Variants in SYCE1 observed in about 807,000 individuals in gnomAD.
SYCE1 encodes cancer/testis antigen 76.
A neutral mutation model predicts 55.1 loss-of-function variants in SYCE1; 37 were observed. That is an observed-to-expected ratio of 0.67 (90% confidence interval 0.52 to 0.88). SYCE1 has a LOEUF of 0.88. SYCE1 is among the 40% of genes least tolerant of loss of function. The pLI is 0.00. For missense variants in SYCE1, 399 were observed against 416.4 expected, an observed-to-expected ratio of 0.96 and a Z score of 0.36; for synonymous variants, 163 against 159.4, an observed-to-expected ratio of 1.02 and a Z score of -0.17.
chr10:133,554,812 C>G (rs1020528285), downstream of SYCE1: 183 of 1,459,650 alleles, frequency 1.3e-4, no homozygotes, highest in Admixed American at 2.7e-4. Flanking sequence ...CCAGAAGAAG[C>G]TGGCAGGTAC....
intron 6 of SYCE1, 175 bp from the exon 7 acceptor site, chr10:133,557,331 G>A: frequency 1.6e-6 from 1 of 632,950 alleles, no homozygotes; most frequent in Non-Finnish European, 2.8e-6. Flanking sequence ...AAGTATTGTT[G>A]TCAGGTTAAG....
chr10:133,562,469 G>A (rs1851840000), intron 1 of SYCE1, among the ~76,000 whole-genome samples: 1 of 151,980 alleles, frequency 6.6e-6, no homozygotes, highest in South Asian at 2.1e-4. Flanking sequence ...GCTGCATGAG[G>A]GACCTAAAAT....
chr10:133,557,799 T>C, intron 6 of SYCE1, 65 bp downstream of exon 6: 3 of 1,564,566 alleles, frequency 1.9e-6, no homozygotes, highest in Non-Finnish European at 2.6e-6. Flanking sequence ...TTCATCTTCC[T>C]GCCTCTTTCT....
rs540956615 is a variant in SYCE1 at position 133,555,042 on chromosome 10, G to C, written c.1006C>G (p.His336Asp). Residue 336 changes from histidine to aspartate, a missense_variant, in exon 13 of 13, where the codon CAC (histidine) becomes GAC (aspartate). By Grantham distance (81) the His-to-Asp change is moderately conservative. Coordinates refer to ENST00000343131, the MANE Select transcript of SYCE1 (RefSeq NM_001143764.3). The part of the protein sequence containing the change: ...DVLIGQEDTL[H>D]PDLSPRGFQE... ...AAGCCCCTTGGGCTAAGGTCGGGGT[G>C]GAGTGTGTCCTCCTGGCCTATGAGG... The C allele has an allele frequency of 1.3e-6, 2 of 1,551,542 alleles. No homozygotes were observed. The highest frequency in any genetic ancestry group is 3.9e-5 in the Admixed American group (2 of 50,980).
chr10:133,568,275 C>G, upstream of SYCE1: 1 of 1,419,146 alleles, frequency 7.0e-7, no homozygotes. Flanking sequence ...GTCCCGCGGC[C>G]CTTCTCCAGC....
At position 133,554,978 on chromosome 10, in the gene SYCE1, T is replaced by C. The variant is rs1183160686; in HGVS notation, c.*14A>G. The C allele has an allele frequency of 6.5e-7, 1 of 1,531,660 alleles. No individual in the cohort carries two copies. The highest frequency in any genetic ancestry group is 8.8e-7 in the Non-Finnish European group (1 of 1,138,770). 94.9% of individuals were successfully genotyped at this position (1,531,660 alleles called of 1,614,324 possible). A position where few individuals can be genotyped will look rare whatever the true frequency, so the allele number is the denominator to read the frequency against. On this transcript the variant is annotated 3_prime_UTR_variant, in exon 13 of 13. Transcript: ENST00000343131. ...GGGCCTGACCCCTACTCCTCACCAGTAGACTTAGCTGTATCAAAATAGCTC... is the reference window on the plus strand; with the variant it reads ...GGGCCTGACCCCTACTCCTCACCAGCAGACTTAGCTGTATCAAAATAGCTC...
In SYCE1 at chr10:133,555,995, T is replaced by C; in HGVS notation, c.581A>G (p.Gln194Arg). The C allele has an allele frequency of 6.2e-7, 1 of 1,614,172 alleles. No homozygotes were observed. Among genetic ancestry groups the C allele is most frequent in the Non-Finnish European group, 8.5e-7 (1 of 1,180,020 alleles). The change falls in exon 9 of 13, where the codon CAG becomes CGG. Residue 194 changes from glutamine (Q) to arginine (R), a missense_variant. Coordinates refer to ENST00000343131, the MANE Select transcript of SYCE1 (RefSeq NM_001143764.3). ...CCTGGTCTCACCTTCCTTGAGCAGC[T>C]GCTCCTTGCTGCTGTCCAGGGCACA... ...EICALDSSKE[Q>R]LLKEEKLVKA... is the part of the protein sequence containing the mutation.
intron 4 of SYCE1, chr10:133,558,480 G>A (rs567717313): frequency 7.7e-5 from 44 of 568,076 alleles, no homozygotes; most frequent in Admixed American, 1.5e-4. Context: ...CAACACCCAC[G>A]AAGTGGGATA....
chr10:133,564,232 C>T (rs1431052730), intron 1 of SYCE1, among the ~76,000 whole-genome samples: 1 of 152,110 alleles, frequency 6.6e-6, no homozygotes, highest in Non-Finnish European at 1.5e-5. Context: ...ACTTCCCCAA[C>T]ATGAGGACAC....
chr10:133,558,452 G>C, intron 4 of SYCE1: 1 of 580,160 alleles, frequency 1.7e-6, no homozygotes, highest in Non-Finnish European at 3.1e-6. Context: ...TTTTACATGG[G>C]GAGGAGAGAA....
rs2133621046 is a variant in SYCE1 at position 133,558,878 on chromosome 10, CG to C, written c.269del (p.Ser90CysfsTer9). ...CTGGGTGACCCCCGGCTCTCTTACG[CG>C]AGTCCAGTTCCTTCTGCAGGGCCTC... ...ICEALQKELD[S>X]LHGEKVHLKE... is the part of the protein sequence containing the mutation. On this transcript the variant is annotated frameshift_variant and splice_region_variant, in exon 4 of 13. Coordinates refer to ENST00000343131, the MANE Select transcript of SYCE1 (RefSeq NM_001143764.3). LOFTEE classifies it high-confidence loss of function. The C allele has an allele frequency of 3.7e-6, 6 of 1,613,602 alleles. No individual in the cohort carries two copies. The highest frequency in any genetic ancestry group is 5.1e-6 in the Non-Finnish European group (6 of 1,179,894).
At chr10:133,559,764 G>A (rs531942231) in intron 2 of SYCE1, 229 of 363,980 alleles carry the variant, frequency 6.3e-4, no homozygotes, top group African/African-American at 4.2e-3. Flanking sequence ...GGAGCCTAGC[G>A]AGCAAAGAGG....
At chr10:133,567,037 T>G (rs1007754820), upstream of SYCE1, among the ~76,000 whole-genome samples, 1 of 151,468 alleles carries the variant, frequency 6.6e-6, no homozygotes, top group African/African-American at 2.4e-5. Flanking sequence ...GTTTTAGGGG[T>G]AGGCATAGGT....
Position 133,555,625 on chromosome 10 carries a change from A to G in SYCE1, c.802T>C (p.Cys268Arg), listed in dbSNP as rs750770679. 1.4e-5 allele frequency: 22 copies of G among 1,605,774 alleles called. No homozygotes were observed. Among genetic ancestry groups the G allele is most frequent in the African/African-American group, 2.7e-5 (2 of 74,860 alleles). Residue 268 changes from cysteine (C) to arginine (R), a missense_variant, in exon 11 of 13, where the codon TGC (cysteine) becomes CGC (arginine). Physicochemically the swap from Cys to Arg is radical, Grantham distance 180. Transcript: ENST00000343131. ...AQRHQQLQQK[C>R]QQQQQKRQRL... ...TGCCGCTTCTGCTGCTGTTGTTGGC[A>G]CTTCTGCTGCAGCTGCTGGTGGCGC...
upstream of SYCE1, chr10:133,568,084 C>G (rs1032371256): frequency 2.9e-5 from 20 of 695,704 alleles, no homozygotes; most frequent in Admixed American, 4.0e-4. Context: ...TCACCGAGCC[C>G]AGCCAGGCCT....
At chr10:133,556,866 C>A in intron 7 of SYCE1, 44 bp from the exon 8 acceptor site, 1 of 1,603,554 alleles carries the variant, frequency 6.2e-7, no homozygotes, top group Non-Finnish European at 8.5e-7. Flanking sequence ...GCTGAAATCA[C>A]CACCTTCACA....
upstream of SYCE1, among the ~76,000 whole-genome samples, chr10:133,567,448 G>A (rs1262160117): frequency 6.6e-6 from 1 of 151,908 alleles, no homozygotes; most frequent in African/African-American, 2.4e-5. Context: ...AGGGGTTAGG[G>A]GTAGGGGTTG....
At chr10:133,554,647 T>A (rs562812132), downstream of SYCE1, 55 of 721,926 alleles carry the variant, frequency 7.6e-5, no homozygotes, top group South Asian at 7.2e-4. Flanking sequence ...TTTTAATTTT[T>A]TTTTTAATTT....
chr10:133,568,207 C>G (rs1051990328), upstream of SYCE1: 2 of 1,154,742 alleles, frequency 1.7e-6, no homozygotes, highest in African/African-American at 1.4e-5. Context: ...AGATGCCGAG[C>G]CGGTCCTGTT....
Sources: allele counts gnomAD v4.1 joint callset (sites outside exome capture counted in the v4.1 genomes callset), GRCh38; gene constraint gnomAD v4.1.1; transcripts MANE v1.5; gene names NCBI Gene and HGNC (gene_info 2026-07-23, HGNC 2026-07-21).